The following SFMBT2 variants were observed in gnomAD, a reference collection of about 807,000 sequenced individuals.
SFMBT2 encodes the protein scm-like with four MBT domains protein 2.
A neutral mutation model predicts 110.1 loss-of-function variants in SFMBT2; 38 were observed. The observed-to-expected ratio is 0.35, with a 90% confidence interval of 0.27 to 0.45. The LOEUF (loss-of-function observed/expected upper bound fraction) is 0.45, where lower values mean the gene tolerates loss of function less well. Among genes scored for constraint, SFMBT2 ranks in the 20% least tolerant of loss-of-function variants. The pLI, the probability that SFMBT2 is intolerant of heterozygous loss-of-function variation, is 1.00. For missense variants in SFMBT2, 1,011 were observed against 1,094.9 expected (o/e 0.92, Z 1.08); for synonymous variants, 425 against 425.4 (o/e 1.00, Z 0.01).
rs1324453702 is a variant in SFMBT2 at position 7,161,057 on chromosome 10, ACTG to A, written c.*2710_*2712del. 1.3e-5 allele frequency: 2 copies of A among 152,298 alleles called. No homozygotes were observed. The highest frequency in any genetic ancestry group is 4.8e-5 in the African/African-American group (2 of 41,474). The allele number at this position is 152,298 out of a possible 1,614,324, so 9.4% of individuals were successfully genotyped here. The stretch of plus-strand genomic sequence containing the variant: ...ACAGTGCTCACCCATGGTGACCGCA[ACTG>A]CACAGAGAAACGCTGAAGTTAAACT... On this transcript the variant is annotated 3_prime_UTR_variant, in exon 21 of 21. Coordinates refer to ENST00000397167, the MANE Select transcript of SFMBT2 (RefSeq NM_001387889.1).
chr10:7,286,133 T>G (rs1358787936), intron 4 of SFMBT2, among the ~76,000 whole-genome samples, 179 bp from the exon 5 acceptor site: 1 of 152,224 alleles, frequency 6.6e-6, no homozygotes, highest in Admixed American at 6.5e-5. Flanking sequence ...ACTGAAAATG[T>G]GTCTCTAAGT....
chr10:7,229,693 G>A (rs923145307), intron 9 of SFMBT2, among the ~76,000 whole-genome samples: 1 of 150,220 alleles, frequency 6.7e-6, no homozygotes, highest in Admixed American at 6.6e-5. Context: ...TTTTCAATAA[G>A]CAATCTCAAT....
chr10:7,272,319 A>C (rs980392765), intron 7 of SFMBT2, among the ~76,000 whole-genome samples: 1 of 152,196 alleles, frequency 6.6e-6, no homozygotes. Flanking sequence ...AAGGAGGCAA[A>C]AAAGCTGATG....
At chr10:7,390,574 C>G (rs1845736562) in intron 1 of SFMBT2, among the ~76,000 whole-genome samples, 1 of 152,074 alleles carries the variant, frequency 6.6e-6, no homozygotes, top group African/African-American at 2.4e-5. Context: ...TCAGGAAAAT[C>G]ATTCCGCCTC....
chr10:7,393,671 T>C (rs184790335), intron 1 of SFMBT2, among the ~76,000 whole-genome samples: 29 of 152,256 alleles, frequency 1.9e-4, no homozygotes, highest in Non-Finnish European at 1.5e-5. Context: ...CAAAACAACA[T>C]TGCCCAGCTT....
intron 4 of SFMBT2, among the ~76,000 whole-genome samples, chr10:7,291,090 G>C (rs1248306615): frequency 1.3e-5 from 2 of 152,186 alleles, no homozygotes; most frequent in Non-Finnish European, 2.9e-5. Context: ...ACCCATGCTG[G>C]GGTCAGGAGG....
At chr10:7,211,865 C>T (rs181008122) in intron 11 of SFMBT2, among the ~76,000 whole-genome samples, 8 of 152,188 alleles carry the variant, frequency 5.3e-5, no homozygotes, top group African/African-American at 1.9e-4. Flanking sequence ...CTGTGTTCTG[C>T]ACCTGGTCCC....
intron 1 of SFMBT2, among the ~76,000 whole-genome samples, chr10:7,396,111 T>C (rs59298395): frequency 1.3e-5 from 2 of 152,208 alleles, no homozygotes; most frequent in Non-Finnish European, 2.9e-5. Context: ...GGTGGGCACC[T>C]GTAATTCCAG....
chr10:7,364,023 GA>G (rs901519913), intron 4 of SFMBT2, among the ~76,000 whole-genome samples: 73 of 150,762 alleles, frequency 4.8e-4, no homozygotes, highest in African/African-American at 1.6e-3. Flanking sequence ...CTCTAAGACA[GA>G]AAAAAAAACA....
intron 7 of SFMBT2, among the ~76,000 whole-genome samples, chr10:7,256,315 T>TA (rs1841005683): frequency 6.6e-6 from 1 of 152,220 alleles, no homozygotes; most frequent in African/African-American, 2.4e-5. Flanking sequence ...ACAATACCAC[T>TA]ACAACCTACA....
chr10:7,180,138 T>C (rs572039286), intron 16 of SFMBT2, among the ~76,000 whole-genome samples: 3 of 152,066 alleles, frequency 2.0e-5, no homozygotes, highest in African/African-American at 7.2e-5. Flanking sequence ...TTTTGCTTTT[T>C]TTGAGACAGG....
chr10:7,311,597 T>C (rs1011076061), intron 4 of SFMBT2, among the ~76,000 whole-genome samples: 3 of 152,248 alleles, frequency 2.0e-5, no homozygotes, highest in African/African-American at 7.2e-5. Context: ...CAAGCTGCTA[T>C]GATTAATCAC....
chr10:7,348,608 T>G (rs757422936), intron 4 of SFMBT2, among the ~76,000 whole-genome samples: 5 of 152,250 alleles, frequency 3.3e-5, no homozygotes, highest in Admixed American at 1.3e-4. Context: ...TTGGCTACTG[T>G]AAACTCTTGC....
At chr10:7,184,819 A>G (rs1052611784) in intron 16 of SFMBT2, among the ~76,000 whole-genome samples, 11 of 152,184 alleles carry the variant, frequency 7.2e-5, no homozygotes, top group African/African-American at 2.7e-4. Flanking sequence ...TGCTGGAGGA[A>G]GAATTAAAAG....
intron 4 of SFMBT2, among the ~76,000 whole-genome samples, chr10:7,317,086 G>A (rs1393187854): frequency 1.3e-5 from 2 of 152,062 alleles, no homozygotes; most frequent in African/African-American, 4.8e-5. Context: ...AGTCTTTGCA[G>A]GGCTTGGAAA....
chr10:7,267,335 C>T (rs1029669411), intron 7 of SFMBT2, among the ~76,000 whole-genome samples: 3 of 152,182 alleles, frequency 2.0e-5, no homozygotes, highest in Admixed American at 6.5e-5. Flanking sequence ...TCCTGTGAGT[C>T]CTTTCAGTAA....
intron 9 of SFMBT2, among the ~76,000 whole-genome samples, chr10:7,236,552 C>G (rs904313517): frequency 1.3e-5 from 2 of 152,176 alleles, no homozygotes; most frequent in Non-Finnish European, 2.9e-5. Context: ...GACCATTCAA[C>G]AAACGATGCA....
chr10:7,377,436 C>A (rs1845269965), intron 2 of SFMBT2, among the ~76,000 whole-genome samples: 1 of 152,086 alleles, frequency 6.6e-6, no homozygotes, highest in Non-Finnish European at 1.5e-5. Context: ...AAGCACATTA[C>A]ATTTATTGTG....
intron 15 of SFMBT2, among the ~76,000 whole-genome samples, chr10:7,195,979 T>G (rs1011593186): frequency 4.6e-5 from 7 of 152,190 alleles, no homozygotes; most frequent in African/African-American, 1.7e-4. Context: ...CTCAAGCAGA[T>G]GTTTTTTTAA....
Sources: gnomAD v4.1 joint callset for allele counts (sites outside exome capture counted in the v4.1 genomes callset) on GRCh38, gnomAD v4.1.1 for gene constraint, MANE v1.5 for transcripts, NCBI Gene and HGNC (gene_info 2026-07-23, HGNC 2026-07-21) for gene names.